Variants in HTR1F observed in about 807,000 individuals in gnomAD.
The protein encoded by HTR1F is 5-hydroxytryptamine receptor 1F, also known as 5-hydroxytryptamine (serotonin) receptor 1F, G protein-coupled.
Under a neutral mutation model 24.0 loss-of-function variants are expected in HTR1F, and 17 were observed. The ratio of observed to expected loss-of-function variants is 0.71; its 90% CI spans 0.48 to 1.06. HTR1F has a LOEUF of 1.06. Among genes scored for constraint, HTR1F ranks in the 50% least tolerant of loss-of-function variants. HTR1F has a pLI of 0.00. For missense variants in HTR1F, 391 were observed against 427.8 expected (o/e 0.91, Z 0.76); for synonymous variants, 186 against 156.8 (o/e 1.19, Z -1.39).
intron 2 of HTR1F, among the ~76,000 whole-genome samples, chr3:87,862,449 C>T (rs1158598333): frequency 6.6e-6 from 1 of 152,152 alleles, no homozygotes; most frequent in Non-Finnish European, 1.5e-5. Flanking sequence ...GTAGTTTTAC[C>T]ATCTTGTATC....
rs367560516 is a variant in HTR1F at position 87,831,700 on chromosome 3, C to T, written c.-43+9576C>T. On this transcript the variant is annotated intron_variant, in intron 2 of 2. Coordinates refer to ENST00000319595, the MANE Select transcript of HTR1F (RefSeq NM_001322209.2). ...TATTTCTATCCAGAAGAAAAACAAA[C>T]TTCAGTGCTATAGATTATTATCCCA... 5.3e-5 allele frequency among the ~76,000 whole-genome samples: 8 copies of T among 152,142 alleles called. No homozygotes were observed. The South Asian group carries it at 6.2e-4, about 12-fold the overall frequency.
chr3:87,850,819 A>C (rs60180210), intron 2 of HTR1F, among the ~76,000 whole-genome samples: 33,153 of 150,998 alleles, frequency 0.22, 4,039 homozygotes, highest in East Asian at 0.37. Context: ...ACAACAACAA[A>C]AAAAAAAACC....
chr3:87,947,607 C>G (rs533253605), intron 2 of HTR1F, among the ~76,000 whole-genome samples: 149 of 152,150 alleles, frequency 9.8e-4, no homozygotes, highest in African/African-American at 3.5e-3. Context: ...TATGTAAAGG[C>G]TTGAATACTC....
At chr3:87,795,480 ATTCTC>A (rs1703888552) in intron 1 of HTR1F, among the ~76,000 whole-genome samples, 1 of 152,298 alleles carries the variant, frequency 6.6e-6, no homozygotes, top group Admixed American at 6.5e-5. Context: ...CCATGGCAGG[ATTCTC>A]TTTTTTTTCC....
chr3:87,831,664 C>G (rs1398816644), intron 2 of HTR1F, among the ~76,000 whole-genome samples: 1 of 152,016 alleles, frequency 6.6e-6, no homozygotes, highest in African/African-American at 2.4e-5. Context: ...GCCCGGCCCA[C>G]AGATACAAAT....
At chr3:87,852,286 G>C (rs943526851) in intron 2 of HTR1F, among the ~76,000 whole-genome samples, 2 of 151,238 alleles carry the variant, frequency 1.3e-5, no homozygotes, top group Admixed American at 1.3e-4. Flanking sequence ...TACAAATTTT[G>C]TATCAAGAAT....
At chr3:87,801,148 T>C (rs1360187503) in intron 1 of HTR1F, among the ~76,000 whole-genome samples, 1 of 152,216 alleles carries the variant, frequency 6.6e-6, no homozygotes, top group African/African-American at 2.4e-5. Flanking sequence ...TGAACAAAAA[T>C]ATCTGAATTA....
chr3:87,948,688 C>G (rs1381397170), intron 2 of HTR1F, among the ~76,000 whole-genome samples: 3 of 152,068 alleles, frequency 2.0e-5, no homozygotes, highest in Non-Finnish European at 2.9e-5. Context: ...GTCATGTTGC[C>G]CAGGCTGGTC....
intron 2 of HTR1F, among the ~76,000 whole-genome samples, chr3:87,855,063 T>G (rs1300694981): frequency 1.3e-5 from 2 of 152,006 alleles, no homozygotes; most frequent in Non-Finnish European, 2.9e-5. Flanking sequence ...ATGATATACA[T>G]TTCTTCATAT....
chr3:87,948,696 G>T (rs1239272897), intron 2 of HTR1F, among the ~76,000 whole-genome samples: 1 of 152,060 alleles, frequency 6.6e-6, no homozygotes, highest in Non-Finnish European at 1.5e-5. Flanking sequence ...GCCCAGGCTG[G>T]TCTCCAACTC....
At chr3:87,945,020 GT>G (rs1704661531) in intron 2 of HTR1F, among the ~76,000 whole-genome samples, 1 of 151,922 alleles carries the variant, frequency 6.6e-6, no homozygotes, top group African/African-American at 2.4e-5. Flanking sequence ...CACACTGGTT[GT>G]TTTGTTTTGT....
chr3:87,944,898 C>T (rs1704657467), intron 2 of HTR1F, among the ~76,000 whole-genome samples: 2 of 152,152 alleles, frequency 1.3e-5, no homozygotes, highest in South Asian at 4.1e-4. Flanking sequence ...TCAGGCTATG[C>T]CGTTGTTTAC....
intron 2 of HTR1F, among the ~76,000 whole-genome samples, chr3:87,929,262 T>C (rs1158132913): frequency 6.6e-6 from 1 of 152,162 alleles, no homozygotes; most frequent in Non-Finnish European, 1.5e-5. Flanking sequence ...ATGCAGTGGT[T>C]CTCAGCAAAA....
intron 2 of HTR1F, among the ~76,000 whole-genome samples, chr3:87,955,981 G>A (rs1477078324): frequency 6.6e-6 from 1 of 151,040 alleles, no homozygotes; most frequent in East Asian, 1.9e-4. Context: ...AAGTCTTATG[G>A]GTATTGTCTC....
chr3:87,801,976 G>A (rs1703996219), intron 1 of HTR1F, among the ~76,000 whole-genome samples: 1 of 151,422 alleles, frequency 6.6e-6, no homozygotes, highest in African/African-American at 2.4e-5. Flanking sequence ...GCATGGCTTT[G>A]CTTTCTTTCT....
At chr3:87,830,842 C>T (rs2107151203) in intron 2 of HTR1F, among the ~76,000 whole-genome samples, 1 of 152,216 alleles carries the variant, frequency 6.6e-6, no homozygotes, top group East Asian at 1.9e-4. Flanking sequence ...AAAGAAGTTC[C>T]TGGGTGAAAA....
intron 2 of HTR1F, among the ~76,000 whole-genome samples, chr3:87,829,727 T>C (rs527319587): frequency 1.2e-4 from 19 of 152,222 alleles, no homozygotes; most frequent in East Asian, 5.8e-4. Context: ...GGAGATAATA[T>C]ATAGGTCTTC....
intron 2 of HTR1F, among the ~76,000 whole-genome samples, chr3:87,873,125 C>G (rs1291231804): frequency 2.8e-5 from 4 of 141,188 alleles, no homozygotes; most frequent in African/African-American, 1.1e-4. Context: ...CACACACACA[C>G]ACACACACAG....
chr3:87,980,909 C>A (rs568161817), intron 2 of HTR1F, among the ~76,000 whole-genome samples: 90 of 152,274 alleles, frequency 5.9e-4, no homozygotes, highest in Non-Finnish European at 5.6e-4. Context: ...CACTTCTGAA[C>A]CTGCAGGGGC....
Sources: gnomAD v4.1 joint callset for allele counts (sites outside exome capture counted in the v4.1 genomes callset) on GRCh38, gnomAD v4.1.1 for gene constraint, MANE v1.5 for transcripts, NCBI Gene and HGNC (gene_info 2026-07-23, HGNC 2026-07-21) for gene names.